The following RYR2 variants were observed in gnomAD, a reference collection of about 807,000 sequenced individuals.
RYR2 encodes the protein ryanodine receptor 2.
A neutral mutation model predicts 601.1 loss-of-function variants in RYR2; 227 were observed. The ratio of observed to expected loss-of-function variants is 0.38; its 90% CI spans 0.34 to 0.42. The LOEUF (loss-of-function observed/expected upper bound fraction) is 0.42, where lower values mean the gene tolerates loss of function less well. Ranked by LOEUF, RYR2 falls within the 10% of genes least tolerant of loss-of-function variation. RYR2 has a pLI of 1.00. For missense variants in RYR2, 4,646 were observed against 6,156.5 expected, an observed-to-expected ratio of 0.75 and a Z score of 8.21; for synonymous variants, 2,223 against 2,175.1, an observed-to-expected ratio of 1.02 and a Z score of -0.61.
chr1:237,832,808 C>T lies in RYR2; in HGVS notation c.*161C>T. 1.9e-6 allele frequency: 1 copy of T among 527,124 alleles called. No individual in the cohort carries two copies. The highest frequency in any genetic ancestry group is 3.4e-6 in the Non-Finnish European group (1 of 294,618). The allele number at this position is 527,124 out of a possible 1,614,324, so 32.7% of individuals were successfully genotyped here. A position where few individuals can be genotyped will look rare whatever the true frequency, so the allele number is the denominator to read the frequency against. ...CTGTTTCGGAAGAGCTGTTTCCTCC[C>T]CCCACCTTTTGTATTTACTTTGAGA... On this transcript the variant is annotated 3_prime_UTR_variant, in exon 105 of 105. Transcript: ENST00000366574.
chr1:237,818,576 T>C (rs770806733), intron 100 of RYR2, among the ~76,000 whole-genome samples: 1 of 152,088 alleles, frequency 6.6e-6, no homozygotes, highest in Non-Finnish European at 1.5e-5. Context: ...ATATATACTA[T>C]GTGAGGGAAG....
intron 2 of RYR2, among the ~76,000 whole-genome samples, chr1:237,284,804 C>T (rs542853124): frequency 1.4e-3 from 213 of 151,608 alleles, no homozygotes; most frequent in African/African-American, 4.9e-3. Flanking sequence ...TAAAAGGGGT[C>T]GAGTTCTTGA....
chr1:237,195,773 GTAATACTGCCCACTTCAT>G (rs1680495794), intron 1 of RYR2, among the ~76,000 whole-genome samples: 1 of 152,132 alleles, frequency 6.6e-6, no homozygotes, highest in Admixed American at 6.5e-5. Context: ...GTAAAAGGAG[GTAATACTGCCCACTTCAT>G]TGTGCAGAAA....
chr1:237,682,740 A>G (rs1305732245), intron 62 of RYR2, among the ~76,000 whole-genome samples: 4 of 152,176 alleles, frequency 2.6e-5, no homozygotes, highest in Non-Finnish European at 5.9e-5. Context: ...TTTTTCTTCT[A>G]CTAATAGAAA....
At chr1:237,786,639 G>A (rs543146912) in intron 91 of RYR2, among the ~76,000 whole-genome samples, 81 of 152,198 alleles carry the variant, frequency 5.3e-4, no homozygotes, top group Admixed American at 3.3e-3. Flanking sequence ...GATGTGAGGC[G>A]ATGAAAATGC....
intron 87 of RYR2, among the ~76,000 whole-genome samples, chr1:237,777,539 T>C (rs1273084909): frequency 6.6e-6 from 1 of 152,184 alleles, no homozygotes; most frequent in Non-Finnish European, 1.5e-5. Context: ...CTTTTTTCCT[T>C]TCTAAGTAAA....
chr1:237,555,529 A>G (rs1189275376), intron 27 of RYR2, among the ~76,000 whole-genome samples: 2 of 152,144 alleles, frequency 1.3e-5, no homozygotes, highest in Admixed American at 6.6e-5. Context: ...TACTTTACAC[A>G]TGAATATTTA....
chr1:237,091,098 A>G (rs1006727047), intron 1 of RYR2, among the ~76,000 whole-genome samples: 3 of 152,218 alleles, frequency 2.0e-5, no homozygotes, highest in Non-Finnish European at 2.9e-5. Flanking sequence ...GAAGATAACA[A>G]TATAGGTTGA....
At chr1:237,544,530 G>A (rs1447711809) in intron 25 of RYR2, among the ~76,000 whole-genome samples, 1 of 151,926 alleles carries the variant, frequency 6.6e-6, no homozygotes, top group Non-Finnish European at 1.5e-5. Context: ...TAACTTTTTG[G>A]AAATCAATCT....
At chr1:237,135,736 G>C (rs193145932) in intron 1 of RYR2, among the ~76,000 whole-genome samples, 3 of 152,122 alleles carry the variant, frequency 2.0e-5, no homozygotes, top group Admixed American at 2.0e-4. Flanking sequence ...GCTTATTGAA[G>C]GTCTGTCATT....
chr1:237,795,575 C>T lies in RYR2; in HGVS notation c.13956+244C>T, dbSNP rs1289191210. 5.3e-5 allele frequency among the ~76,000 whole-genome samples: 8 copies of T among 151,702 alleles called. No individual in the cohort carries two copies. In the East Asian group the frequency reaches 1.2e-3, roughly 22 times the overall value. ...AAGCAATTCTCCTGCCTCAGTCTCC[C>T]GAGTGGCTGGGATTCCAGGCGCCTG... is the stretch of plus-strand genomic sequence containing the variant. On this transcript the variant is annotated intron_variant, in intron 96 of 104. Coordinates refer to ENST00000366574, the MANE Select transcript of RYR2 (RefSeq NM_001035.3).
At chr1:237,490,514 T>C (rs1252771437) in intron 17 of RYR2, among the ~76,000 whole-genome samples, 1 of 150,888 alleles carries the variant, frequency 6.6e-6, no homozygotes, top group Non-Finnish European at 1.5e-5. Context: ...TTTTTAGTAA[T>C]AGCAAAAAAA....
chr1:237,639,008 A>G lies in RYR2; in HGVS notation c.6929-7A>G. The G allele has an allele frequency of 6.2e-7, 1 of 1,613,214 alleles. No individual in the cohort carries two copies. The highest frequency in any genetic ancestry group is 1.1e-5 in the South Asian group (1 of 91,012). On this transcript the variant is annotated splice_region_variant and splice_polypyrimidine_tract_variant and intron_variant, in intron 45 of 104. Transcript: ENST00000366574. The stretch of plus-strand genomic sequence containing the variant: ...TTTGTTTACTTATCTTCCCCATTCT[A>G]CTTTAGGGGAGAGTGTGGAGGAAAA...
At position 237,265,040 on chromosome 1, in the gene RYR2, G is replaced by T. The variant is rs1030550411; in HGVS notation, c.49-5457G>T. 3.3e-5 allele frequency among the ~76,000 whole-genome samples: 5 copies of T among 152,126 alleles called. No homozygotes were observed. In the East Asian group the frequency reaches 9.7e-4, roughly 29 times the overall value. ...GACATTAATAATTACACAAATGAAT[G>T]CATGATAACAATTGAAGAAACTAAA... On this transcript the variant is annotated intron_variant, in intron 1 of 104. Transcript: ENST00000366574.
At chr1:237,574,129 T>A (rs1344310645) in intron 29 of RYR2, among the ~76,000 whole-genome samples, 3 of 152,242 alleles carry the variant, frequency 2.0e-5, no homozygotes. Flanking sequence ...TTTGGCTTTT[T>A]AAAAATCTCT....
intron 84 of RYR2, among the ~76,000 whole-genome samples, chr1:237,767,055 T>C (rs1444269453): frequency 1.3e-5 from 2 of 151,692 alleles, no homozygotes; most frequent in Non-Finnish European, 2.9e-5. Flanking sequence ...TTTAATTGTT[T>C]GATCCAATTC....
intron 11 of RYR2, among the ~76,000 whole-genome samples, chr1:237,419,159 C>T (rs781083607): frequency 1.5e-4 from 23 of 151,984 alleles, no homozygotes; most frequent in Non-Finnish European, 2.7e-4. Context: ...AGTGCAGTTT[C>T]GAGAGGTTGT....
intron 17 of RYR2, 71 bp downstream of exon 17, chr1:237,469,258 C>CAAAAAAAAAAAAAAA: frequency 9.2e-6 from 1 of 108,222 alleles, no homozygotes; most frequent in Non-Finnish European, 1.7e-5. Flanking sequence ...TCCTTTAAGA[C>CAAAAAAAAAAAAAAA]AAAAAAAAAA....
At chr1:237,826,592 G>A (rs1019600187) in intron 101 of RYR2, among the ~76,000 whole-genome samples, 3 of 152,042 alleles carry the variant, frequency 2.0e-5, no homozygotes, top group African/African-American at 7.2e-5. Flanking sequence ...GTGTATACCT[G>A]TGTAACAAAC....
Sources: allele counts gnomAD v4.1 joint callset (sites outside exome capture counted in the v4.1 genomes callset), GRCh38; gene constraint gnomAD v4.1.1; transcripts MANE v1.5; gene names NCBI Gene and HGNC (gene_info 2026-07-23, HGNC 2026-07-21).